Variants in PPP2R1B observed in about 807,000 individuals in gnomAD.
The protein encoded by PPP2R1B is serine/threonine-protein phosphatase 2A 65 kDa regulatory subunit A beta isoform.
Under a neutral mutation model 72.7 loss-of-function variants are expected in PPP2R1B, and 58 were observed. That is an observed-to-expected ratio of 0.80 (90% CI 0.65 to 0.99). The LOEUF is 0.99. PPP2R1B is among the 50% of genes least tolerant of loss of function. The pLI, the probability that PPP2R1B is intolerant of heterozygous loss-of-function variation, is 0.00. For synonymous variants in PPP2R1B, 256 were observed against 264.6 expected (o/e 0.97, Z 0.32); for missense variants, 695 against 733.6 (o/e 0.95, Z 0.61).
At chr11:111,698,440 G>A in the PPP2R1B span, among the ~76,000 whole-genome samples, 1 of 152,102 alleles carries the variant, frequency 6.6e-6, no homozygotes, top group Non-Finnish European at 1.5e-5. Context: ...AGGGCTCCTG[G>A]AGACATTAAA....
the PPP2R1B span, among the ~76,000 whole-genome samples, chr11:111,689,242 T>C: frequency 6.6e-6 from 1 of 152,224 alleles, no homozygotes; most frequent in South Asian, 2.1e-4. Context: ...TCAAAGATTT[T>C]ATAGTTTATT....
chr11:111,754,887 C>T (rs1945043538), intron 7 of PPP2R1B, 93 bp downstream of exon 7: 8 of 1,180,272 alleles, frequency 6.8e-6, no homozygotes, highest in Non-Finnish European at 9.6e-6. Flanking sequence ...ATTTTAAAAA[C>T]ATATTCTAGA....
chr11:111,766,329 T>C lies in PPP2R1B; in HGVS notation c.33A>G (p.Pro11=), dbSNP rs782156543. The C allele has an allele frequency of 1.9e-6, 3 of 1,541,848 alleles. No homozygotes were observed. Among genetic ancestry groups the C allele is most frequent in the Non-Finnish European group, 2.6e-6 (3 of 1,149,376 alleles). The change falls in exon 1 of 15, where the codon CCA becomes CCG. Residue 11 remains proline (P), a synonymous_variant. Transcript: ENST00000527614. ...CATCTCCATCTCCACCCGCTGCTCC[T>C]GGGCCGGTCCCGAGCTCTGATGCGC... MAGASELGTG[P]GAAGGDGDDS... is the part of the protein sequence containing the mutation.
chr11:111,727,369 G>C (rs1944007461), intron 15 of PPP2R1B: 1 of 413,730 alleles, frequency 2.4e-6, no homozygotes, highest in Non-Finnish European at 4.4e-6. Flanking sequence ...TTCTTCCTCA[G>C]ATATCAAGAA....
chr11:111,765,394 A>T lies in PPP2R1B; in HGVS notation c.115-10T>A. On this transcript the variant is annotated splice_polypyrimidine_tract_variant and intron_variant, in intron 1 of 14. Coordinates refer to ENST00000527614, the MANE Select transcript of PPP2R1B (RefSeq NM_002716.5). The stretch of plus-strand genomic sequence containing the variant: ...TACTGTTGAGTCGGAGCTTCAGAAA[A>T]GAAAGTAGAAAGAAGAACAATGTAA... 6.3e-7 allele frequency: 1 copy of T among 1,592,712 alleles called. No homozygotes were observed. The highest frequency in any genetic ancestry group is 8.6e-7 in the Non-Finnish European group (1 of 1,164,288).
At chr11:111,722,745 G>A, downstream of PPP2R1B, 1 of 1,614,064 alleles carries the variant, frequency 6.2e-7, no homozygotes, top group Non-Finnish European at 8.5e-7. This position sits in a 1 kb window ranked among gnomAD's most constrained non-coding sequence, Gnocchi z 4.4. Flanking sequence ...AGCAGCAGCT[G>A]CAGGAACATA....
chr11:111,715,271 T>G, the PPP2R1B span, among the ~76,000 whole-genome samples: 5 of 152,228 alleles, frequency 3.3e-5, no homozygotes, highest in African/African-American at 1.2e-4. Context: ...CCCTCTTCCC[T>G]CCCTAAGACC....
chr11:111,715,793 C>CTTTTTTTTTTTTT, the PPP2R1B span, among the ~76,000 whole-genome samples: 3 of 81,580 alleles, frequency 3.7e-5, no homozygotes, highest in African/African-American at 4.9e-5. Context: ...TCATTTTTAG[C>CTTTTTTTTTTTTT]TTTTTTTTTT....
chr11:111,729,273 A>AGAT (rs1445996602), intron 15 of PPP2R1B: 2 of 152,294 alleles, frequency 1.3e-5, no homozygotes, highest in Non-Finnish European at 2.9e-5. Flanking sequence ...ACTGGGGCAC[A>AGAT]GATAGAGAAC....
In PPP2R1B at chr11:111,766,123, C is replaced by T. The variant is rs1318785015; in HGVS notation, c.114+125G>A. ...CGCGGAGCATTCCCCGCCTCCCCTT[C>T]AAGTTTCTGCTACGAGTCCGACTCA... On this transcript the variant is annotated intron_variant, in intron 1 of 14. Transcript: ENST00000527614. The T allele has an allele frequency of 8.0e-6, 7 of 879,998 alleles. No individual in the cohort carries two copies. In the African/African-American group the frequency reaches 8.4e-5, roughly 11 times the overall value. 54.5% of individuals were successfully genotyped at this position (879,998 alleles called of 1,614,324 possible). A position where few individuals can be genotyped will look rare whatever the true frequency, so the allele number is the denominator to read the frequency against.
chr11:111,754,441 T>C, intron 8 of PPP2R1B, 58 bp downstream of exon 8: 1 of 1,553,460 alleles, frequency 6.4e-7, no homozygotes, highest in Non-Finnish European at 8.6e-7. Context: ...ACAAAAATAA[T>C]GAGATTAAGG....
the PPP2R1B span, chr11:111,705,042 A>G: frequency 6.2e-7 from 1 of 1,611,318 alleles, no homozygotes; most frequent in Non-Finnish European, 8.5e-7. This position sits in a 1 kb window ranked among gnomAD's most constrained non-coding sequence, Gnocchi z 4.3. Flanking sequence ...TTGTTGGTGG[A>G]GCGCCTGAAA....
chr11:111,738,210 C>T lies in PPP2R1B; in HGVS notation c.*3386G>A. On this transcript the variant is annotated 3_prime_UTR_variant, in exon 15 of 15. Coordinates refer to ENST00000527614, the MANE Select transcript of PPP2R1B (RefSeq NM_002716.5). ...GCTGCTAAACCAGGAGAACACTGGG[C>T]AACAGGGCCTCTCCCTCTACAGTTT... is the stretch of plus-strand genomic sequence containing the variant. 1.0e-6 allele frequency: 1 copy of T among 985,658 alleles called. No homozygotes were observed. The highest frequency in any genetic ancestry group is 6.1e-5 in the Admixed American group (1 of 16,304). The allele number at this position is 985,658 out of a possible 1,614,324, so 61.1% of individuals were successfully genotyped here.
At position 111,738,464 on chromosome 11, in the gene PPP2R1B, C is replaced by G. The variant is rs372721412; in HGVS notation, c.*3132G>C. ...CAGTTAACAAAGGAACAAAAGTGCACCAGGTTAACCGCCGGGTCAGGAAGG... is the reference window on the plus strand; with the variant it reads ...CAGTTAACAAAGGAACAAAAGTGCAGCAGGTTAACCGCCGGGTCAGGAAGG... On this transcript the variant is annotated 3_prime_UTR_variant, in exon 15 of 15. Transcript: ENST00000527614. 1 of 985,434 alleles carries G rather than the reference C, an allele frequency of 1.0e-6. No homozygotes were observed. Among genetic ancestry groups the G allele is most frequent in the Admixed American group, 6.1e-5 (1 of 16,286 alleles). 61.0% of individuals were successfully genotyped at this position (985,434 alleles called of 1,614,324 possible).
exon 16 of PPP2R1B, chr11:111,727,050 A>G (rs545264632): frequency 2.5e-6 from 4 of 1,613,918 alleles, no homozygotes; most frequent in South Asian, 2.2e-5. Flanking sequence ...CAACTGATAC[A>G]CTGGTCCCTG....
At chr11:111,754,474 T>A in intron 8 of PPP2R1B, 25 bp downstream of exon 8, 1 of 1,582,494 alleles carries the variant, frequency 6.3e-7, no homozygotes, top group Non-Finnish European at 8.5e-7. Flanking sequence ...TAAAAGAGAG[T>A]GAAACAAAAT....
the PPP2R1B span, among the ~76,000 whole-genome samples, chr11:111,708,184 C>A: frequency 1.3e-5 from 2 of 152,034 alleles, no homozygotes; most frequent in Admixed American, 1.3e-4. Context: ...GAGTTTGAGA[C>A]CAGCCTGGGC....
the PPP2R1B span, among the ~76,000 whole-genome samples, chr11:111,693,247 T>C: frequency 6.6e-6 from 1 of 151,464 alleles, no homozygotes; most frequent in African/African-American, 2.4e-5. Context: ...CAGGAGAGAA[T>C]CGCTTGAACC....
At chr11:111,763,448 G>C (rs1555051937) in intron 3 of PPP2R1B, among the ~76,000 whole-genome samples, 1 of 152,212 alleles carries the variant, frequency 6.6e-6, no homozygotes, top group African/African-American at 2.4e-5. Flanking sequence ...TGAGCCATCT[G>C]CTGGGTGATG....
Sources: allele counts gnomAD v4.1 joint callset (sites outside exome capture counted in the v4.1 genomes callset), GRCh38; gene constraint gnomAD v4.1.1; non-coding constraint Gnocchi (gnomAD v3.1); transcripts MANE v1.5; gene names NCBI Gene and HGNC (gene_info 2026-07-23, HGNC 2026-07-21).